The following CFAP77 variants were observed in gnomAD, a reference collection of about 807,000 sequenced individuals.
CFAP77 encodes cilia- and flagella-associated protein 77.
A neutral mutation model predicts 31.1 loss-of-function variants in CFAP77; 25 were observed. The observed-to-expected ratio is 0.80, with a 90% CI of 0.59 to 1.12. The LOEUF is 1.12. Ranked by LOEUF, CFAP77 falls within the 50% of genes most tolerant of loss-of-function variation. The pLI is 0.00. For synonymous variants in CFAP77, 151 were observed against 159.9 expected, an observed-to-expected ratio of 0.94 and a Z score of 0.42; for missense variants, 377 against 397.3, an observed-to-expected ratio of 0.95 and a Z score of 0.44.
At chr9:132,516,821 G>A (rs1407197551) in intron 3 of CFAP77, among the ~76,000 whole-genome samples, 1 of 152,054 alleles carries the variant, frequency 6.6e-6, no homozygotes, top group Non-Finnish European at 1.5e-5. Context: ...AAAAAAAATA[G>A]ATTTAGTGGT....
At chr9:132,414,499 T>TCA (rs34016277) in intron 1 of CFAP77, among the ~76,000 whole-genome samples, 13,162 of 143,632 alleles carry the variant, frequency 0.092, 619 homozygotes, top group East Asian at 0.2. Context: ...TAGCTCTTAT[T>TCA]CACACACACA....
chr9:132,509,821 G>C (rs1293281409), intron 3 of CFAP77, among the ~76,000 whole-genome samples: 1 of 152,070 alleles, frequency 6.6e-6, no homozygotes, highest in Non-Finnish European at 1.5e-5. Context: ...ACTGGGAGAA[G>C]GTAGCAGCCT....
intron 1 of CFAP77, among the ~76,000 whole-genome samples, chr9:132,485,057 C>T (rs1057060732): frequency 9.9e-5 from 15 of 152,148 alleles, no homozygotes; most frequent in South Asian, 2.1e-4. Flanking sequence ...CCATTTTGGC[C>T]GGGCTAGTCT....
At chr9:132,569,306 C>T (rs1468101631) in intron 5 of CFAP77, among the ~76,000 whole-genome samples, 1 of 151,894 alleles carries the variant, frequency 6.6e-6, no homozygotes, top group East Asian at 1.9e-4. Context: ...TACCTGGAGG[C>T]AAGGCAGGAG....
chr9:132,551,057 G>A (rs550976498), intron 5 of CFAP77, among the ~76,000 whole-genome samples: 15 of 152,152 alleles, frequency 9.9e-5, no homozygotes, highest in African/African-American at 2.9e-4. Context: ...TATGAAGACC[G>A]ACTCTGTCTT....
At chr9:132,447,673 C>T (rs1050017274) in intron 1 of CFAP77, among the ~76,000 whole-genome samples, 4 of 152,234 alleles carry the variant, frequency 2.6e-5, no homozygotes, top group African/African-American at 9.6e-5. Flanking sequence ...CAAATACACA[C>T]TAAGCTGCTG....
intron 3 of CFAP77, chr9:132,513,211 T>A (rs2118998689): frequency 6.6e-7 from 1 of 1,518,900 alleles, no homozygotes; most frequent in Non-Finnish European, 8.9e-7. Context: ...TTGACTCTAG[T>A]CAAGGGAGCA....
intron 1 of CFAP77, among the ~76,000 whole-genome samples, chr9:132,442,888 A>G (rs192974880): frequency 1.2e-4 from 18 of 152,198 alleles, no homozygotes; most frequent in African/African-American, 3.6e-4. Context: ...TGCATTCACG[A>G]TGTTGTACAA....
At chr9:132,427,424 ATT>A (rs1850335835) in intron 1 of CFAP77, among the ~76,000 whole-genome samples, 1 of 152,080 alleles carries the variant, frequency 6.6e-6, no homozygotes, top group Non-Finnish European at 1.5e-5. Flanking sequence ...TGCCCTCTGT[ATT>A]AGGGCTGCCT....
At chr9:132,546,914 T>C (rs1418693266) in intron 5 of CFAP77, among the ~76,000 whole-genome samples, 1 of 152,224 alleles carries the variant, frequency 6.6e-6, no homozygotes, top group Non-Finnish European at 1.5e-5. Context: ...CAAGATTCTG[T>C]GATCCCCAGT....
intron 3 of CFAP77, among the ~76,000 whole-genome samples, chr9:132,504,415 G>T (rs374727634): frequency 1.2e-4 from 18 of 152,252 alleles, no homozygotes; most frequent in African/African-American, 4.3e-4. Context: ...TCCAGGGAAA[G>T]GACGTGATGA....
intron 1 of CFAP77, among the ~76,000 whole-genome samples, chr9:132,478,636 G>C (rs1851392882): frequency 6.6e-6 from 1 of 152,244 alleles, no homozygotes; most frequent in South Asian, 2.1e-4. Context: ...CTCCAAGGCA[G>C]ATGGGGCCCG....
At chr9:132,456,202 C>G (rs1850909383) in intron 1 of CFAP77, among the ~76,000 whole-genome samples, 1 of 152,152 alleles carries the variant, frequency 6.6e-6, no homozygotes, top group African/African-American at 2.4e-5. Context: ...CGAAAGGTAG[C>G]ATCGCTTATA....
Position 132,554,934 on chromosome 9 carries a change from AT to A in CFAP77, c.732+11888del, listed in dbSNP as rs1852875113. 4.4e-5 allele frequency among the ~76,000 whole-genome samples: 6 copies of A among 135,730 alleles called. No homozygotes were observed. Among genetic ancestry groups the A allele is most frequent in the Admixed American group, 1.5e-4 (2 of 12,922 alleles). 89.0% of individuals were successfully genotyped at this position (135,730 alleles called of 152,430 possible). On this transcript the variant is annotated intron_variant, in intron 5 of 5. Transcript: ENST00000393216. The surrounding 1 kb of genome is among the most constrained non-coding windows in gnomAD (Gnocchi z 4.1). Reference sequence around the variant, plus strand: ...TATGCATGCATGCATGCATCCATCCATCCACCCATCCATCCATCCATCCATC... The same window carrying A: ...TATGCATGCATGCATGCATCCATCCACCACCCATCCATCCATCCATCCATC...
rs955021312 is a variant in CFAP77 at position 132,455,268 on chromosome 9, A to G, written c.196-43427A>G. 6.6e-6 allele frequency among the ~76,000 whole-genome samples: 1 copy of G among 152,152 alleles called. No individual in the cohort carries two copies. The highest frequency in any genetic ancestry group is 1.5e-5 in the Non-Finnish European group (1 of 68,030). ...ACACCTGTAATCCCAGCACTTTGGG[A>G]GGCCGAGGCGGGTGGATCACCTGAG... On this transcript the variant is annotated intron_variant, in intron 1 of 5. Coordinates refer to ENST00000393216, the MANE Select transcript of CFAP77 (RefSeq NM_001282957.2). This position sits in a 1 kb window ranked among gnomAD's most constrained non-coding sequence, Gnocchi z 4.1.
At chr9:132,518,484 C>T (rs572686392) in intron 3 of CFAP77, among the ~76,000 whole-genome samples, 3 of 152,190 alleles carry the variant, frequency 2.0e-5, no homozygotes, top group South Asian at 2.1e-4. Context: ...ACACGGGCAA[C>T]TCGCTCCATT....
chr9:132,480,380 C>G lies in CFAP77; in HGVS notation c.196-18315C>G, dbSNP rs928263855. Among the ~76,000 whole-genome samples, 3 of 152,174 alleles carry G rather than the reference C, an allele frequency of 2.0e-5. No individual in the cohort carries two copies. Among genetic ancestry groups the G allele is most frequent in the African/African-American group, 7.2e-5 (3 of 41,432 alleles). On this transcript the variant is annotated intron_variant, in intron 1 of 5. Transcript: ENST00000393216. The surrounding 1 kb of genome is among the most constrained non-coding windows in gnomAD (Gnocchi z 5.8). ...AGGGAATTTGAGAACAGATTCCAGA[C>G]CCTGTTCTGGAAGACCTGCCCCAGA...
chr9:132,513,921 GACCCTT>G, intron 3 of CFAP77, among the ~76,000 whole-genome samples: 1 of 124,778 alleles, frequency 8.0e-6, no homozygotes, highest in Non-Finnish European at 1.8e-5. Context: ...GTGAGGAGAT[GACCCTT>G]CCCCTGTACC....
chr9:132,482,483 G>T, intron 1 of CFAP77: 1 of 1,280,802 alleles, frequency 7.8e-7, no homozygotes, highest in Non-Finnish European at 1.1e-6. Flanking sequence ...GGCCCCTCCC[G>T]GCTTCCGCAC....
Sources: gnomAD v4.1 joint callset for allele counts (sites outside exome capture counted in the v4.1 genomes callset) on GRCh38, gnomAD v4.1.1 for gene constraint, Gnocchi (gnomAD v3.1) non-coding constraint, MANE v1.5 for transcripts, NCBI Gene and HGNC (gene_info 2026-07-23, HGNC 2026-07-21) for gene names.